Variants in GRIK4 observed in about 807,000 individuals in gnomAD.
GRIK4 encodes the protein glutamate receptor ionotropic, kainate 4.
Under a neutral mutation model 104.9 loss-of-function variants are expected in GRIK4, and 40 were observed. The ratio of observed to expected loss-of-function variants is 0.38; its 90% CI spans 0.30 to 0.50. The LOEUF is 0.50. Among genes scored for constraint, GRIK4 ranks in the 20% least tolerant of loss-of-function variants. The probability of loss-of-function intolerance (pLI) is 0.93; values close to 1 mark genes in which losing one functional copy is unlikely to be tolerated. For synonymous variants in GRIK4, 485 were observed against 524.9 expected (o/e 0.92, Z 1.04); for missense variants, 1,047 against 1,308.1 (o/e 0.80, Z 3.08).
At chr11:120,609,440 C>G (rs1406102730) in intron 1 of GRIK4, among the ~76,000 whole-genome samples, 1 of 150,902 alleles carries the variant, frequency 6.6e-6, no homozygotes, top group Non-Finnish European at 1.5e-5. Context: ...TTCCCCCTTT[C>G]CCCTTTCCCA....
chr11:120,874,071 C>T lies in GRIK4; in HGVS notation c.912C>T (p.Ser304=), dbSNP rs1051985334. Residue 304 remains serine, a synonymous_variant, in exon 10 of 21, where the codon TCC becomes TCT. Coordinates refer to ENST00000527524, the MANE Select transcript of GRIK4 (RefSeq NM_014619.5). The part of the protein sequence containing the change: ...DHVPFTGPAL[S]SALLFDAVYA... ...TGCTCCCCGGCCTCTCCCAGCTCTC[C>T]TCGGCCCTGCTGTTTGATGCTGTCT... The T allele has an allele frequency of 2.5e-6, 4 of 1,606,346 alleles. No homozygotes were observed. The highest frequency in any genetic ancestry group is 2.7e-5 in the African/African-American group (2 of 74,810).
rs1327558487 is a variant in GRIK4, at chr11:120,944,460, C to T, written c.1590+4000C>T. 3.3e-5 allele frequency among the ~76,000 whole-genome samples: 5 copies of T among 152,280 alleles called. No homozygotes were observed. The East Asian group carries it at 9.6e-4, about 29-fold the overall frequency. On this transcript the variant is annotated intron_variant, in intron 14 of 20. Coordinates refer to ENST00000527524, the MANE Select transcript of GRIK4 (RefSeq NM_014619.5). ...GAATTCTGTGTGTTTCTGAGTCACA[C>T]TTATGCCTCCTTCCCTGTGCCCCAT...
chr11:120,837,750 A>G (rs568497087), intron 8 of GRIK4, among the ~76,000 whole-genome samples: 54 of 152,052 alleles, frequency 3.6e-4, no homozygotes, highest in African/African-American at 1.3e-3. Context: ...GGAGAAAAGG[A>G]TTAGACTACT....
chr11:120,528,647 C>G (rs926700505), intron 1 of GRIK4, among the ~76,000 whole-genome samples: 1 of 152,170 alleles, frequency 6.6e-6, no homozygotes, highest in Admixed American at 6.5e-5. Flanking sequence ...CTGGGGAGGC[C>G]TCACAATCAT....
intron 3 of GRIK4, among the ~76,000 whole-genome samples, chr11:120,669,188 ACT>A (rs769972683): frequency 1.3e-5 from 2 of 151,838 alleles, no homozygotes; most frequent in Non-Finnish European, 2.9e-5. Flanking sequence ...TGTGGGTGGC[ACT>A]CTTTCTGGGC....
At chr11:120,889,026 A>G (rs897425476) in intron 11 of GRIK4, among the ~76,000 whole-genome samples, 1 of 152,140 alleles carries the variant, frequency 6.6e-6, no homozygotes, top group African/African-American at 2.4e-5. Flanking sequence ...TTTCAGCATT[A>G]TTCTGCACAA....
intron 3 of GRIK4, among the ~76,000 whole-genome samples, chr11:120,683,412 G>A (rs1201765245): frequency 6.6e-6 from 1 of 152,160 alleles, no homozygotes; most frequent in Non-Finnish European, 1.5e-5. Flanking sequence ...GGGGCGGGGA[G>A]ATCAAGAATT....
At chr11:120,785,472 T>A (rs934014037) in intron 3 of GRIK4, among the ~76,000 whole-genome samples, 1 of 152,344 alleles carries the variant, frequency 6.6e-6, no homozygotes, top group East Asian at 1.9e-4. Flanking sequence ...CATAGGGCAC[T>A]AACTGCAGAT....
intron 3 of GRIK4, among the ~76,000 whole-genome samples, chr11:120,767,179 A>G (rs1441856194): frequency 6.6e-6 from 1 of 152,220 alleles, no homozygotes; most frequent in East Asian, 1.9e-4. Context: ...ACAGTGCACT[A>G]GAGGTCTCTT....
intron 3 of GRIK4, among the ~76,000 whole-genome samples, chr11:120,795,866 C>T (rs1260862825): frequency 2.0e-5 from 3 of 152,022 alleles, no homozygotes; most frequent in Non-Finnish European, 2.9e-5. Context: ...GTGTAAAATG[C>T]GTAGTATTTG....
intron 3 of GRIK4, among the ~76,000 whole-genome samples, chr11:120,724,454 C>G (rs1950992152): frequency 6.6e-6 from 1 of 152,186 alleles, no homozygotes. Context: ...ATAATATAAA[C>G]TGAAGAGGCA....
intron 3 of GRIK4, among the ~76,000 whole-genome samples, chr11:120,698,248 A>G (rs1278199571): frequency 2.0e-5 from 3 of 152,244 alleles, no homozygotes; most frequent in Non-Finnish European, 4.4e-5. Flanking sequence ...ATAACATAAT[A>G]AAATTAATTT....
At chr11:120,525,798 G>A (rs911250709) in intron 1 of GRIK4, among the ~76,000 whole-genome samples, 2 of 152,136 alleles carry the variant, frequency 1.3e-5, no homozygotes, top group African/African-American at 4.8e-5. Flanking sequence ...AGCCTGGTGT[G>A]GTGGGGGGTG....
intron 3 of GRIK4, among the ~76,000 whole-genome samples, chr11:120,798,157 C>CTTTTTTTTTTT: frequency 1.5e-5 from 1 of 68,086 alleles, no homozygotes; most frequent in Non-Finnish European, 2.8e-5. Context: ...TCTGCTGTCT[C>CTTTTTTTTTTT]TTTTTTTTTT....
intron 1 of GRIK4, among the ~76,000 whole-genome samples, chr11:120,567,374 G>T (rs1948344773): frequency 6.6e-6 from 1 of 151,778 alleles, no homozygotes; most frequent in Non-Finnish European, 1.5e-5. Context: ...GCCCAGGTTG[G>T]TCTTGAACTC....
At chr11:120,957,625 G>GTGTGTGTGTGTGTGTGTGTA (rs375508071) in intron 16 of GRIK4, among the ~76,000 whole-genome samples, 9,866 of 143,960 alleles carry the variant, frequency 0.069, 472 homozygotes, top group East Asian at 0.16. Flanking sequence ...GTGTGTGTGT[G>GTGTGTGTGTGTGTGTGTGTA]TAGCCTAGAG....
chr11:120,773,475 C>T (rs1385947227), intron 3 of GRIK4, among the ~76,000 whole-genome samples: 1 of 152,220 alleles, frequency 6.6e-6, no homozygotes, highest in Non-Finnish European at 1.5e-5. Context: ...AGGGACCAAA[C>T]ACGGAGAGAA....
intron 3 of GRIK4, among the ~76,000 whole-genome samples, chr11:120,748,496 C>T (rs1951488444): frequency 1.3e-5 from 2 of 152,054 alleles, no homozygotes; most frequent in Admixed American, 6.6e-5. Context: ...CCACTCTCCC[C>T]CAGGCACTGG....
chr11:120,835,168 T>C (rs1171037251), intron 7 of GRIK4, among the ~76,000 whole-genome samples: 3 of 152,180 alleles, frequency 2.0e-5, no homozygotes, highest in Non-Finnish European at 4.4e-5. Context: ...CAGCTTCCCA[T>C]TGGAACAACC....
Sources: allele counts gnomAD v4.1 joint callset (sites outside exome capture counted in the v4.1 genomes callset), GRCh38; gene constraint gnomAD v4.1.1; transcripts MANE v1.5; gene names NCBI Gene and HGNC (gene_info 2026-07-23, HGNC 2026-07-21).